The following RALYL variants were observed in gnomAD, a reference collection of about 807,000 sequenced individuals.
The protein encoded by RALYL is RALY RNA binding protein like.
RALYL carries 29 observed loss-of-function variants against 35.1 expected under a neutral mutation model. The ratio of observed to expected loss-of-function variants is 0.83; its 90% CI spans 0.61 to 1.13. The LOEUF is 1.13. Ranked by LOEUF, RALYL falls within the 50% of genes most tolerant of loss-of-function variation. The probability of loss-of-function intolerance (pLI) is 0.00; values close to 1 mark genes in which losing one functional copy is unlikely to be tolerated. For missense variants in RALYL, 359 were observed against 360.4 expected, an observed-to-expected ratio of 1.00 and a Z score of 0.03; for synonymous variants, 120 against 127.6, an observed-to-expected ratio of 0.94 and a Z score of 0.40.
chr8:84,810,194 G>A (rs577767270), intron 4 of RALYL, among the ~76,000 whole-genome samples: 7 of 152,022 alleles, frequency 4.6e-5, no homozygotes, highest in East Asian at 1.9e-4. Flanking sequence ...CATTATTGTC[G>A]TTCAGTTCAA....
At chr8:84,525,953 C>CTTTTTTTTTTTTTTTT (rs35794329) in intron 1 of RALYL, among the ~76,000 whole-genome samples, 8 of 104,842 alleles carry the variant, frequency 7.6e-5, no homozygotes, top group African/African-American at 1.2e-4. Context: ...TTTCTTTTTT[C>CTTTTTTTTTTTTTTTT]TTTTTTTTTT....
chr8:84,522,762 C>A (rs188509383), intron 1 of RALYL, among the ~76,000 whole-genome samples: 1 of 152,170 alleles, frequency 6.6e-6, no homozygotes, highest in East Asian at 1.9e-4. Flanking sequence ...AGTGTATGAT[C>A]CATTCTTTCT....
intron 2 of RALYL, among the ~76,000 whole-genome samples, chr8:84,564,728 C>T (rs1356469106): frequency 1.3e-5 from 2 of 151,594 alleles, no homozygotes; most frequent in Admixed American, 6.6e-5. Flanking sequence ...TAAAAGCTTT[C>T]CTAGGTCCTG....
intron 1 of RALYL, among the ~76,000 whole-genome samples, chr8:84,313,261 G>A (rs149398535): frequency 3.6e-4 from 55 of 152,256 alleles, no homozygotes; most frequent in African/African-American, 1.2e-3. Context: ...TTCCTCCTAG[G>A]CCTCTAGGCC....
At position 84,211,487 on chromosome 8, in the gene RALYL, T is replaced by A. The variant is rs917522407; in HGVS notation, c.-24+27063T>A. On this transcript the variant is annotated intron_variant, in intron 1 of 8. Transcript: ENST00000521268. ...TAGTAATGTAATTAGATCCAGCACT[T>A]AGATTTTGCTTCCTCCCATAATATT... 2.0e-5 allele frequency among the ~76,000 whole-genome samples: 3 copies of A among 152,134 alleles called. No individual in the cohort carries two copies. The East Asian group carries it at 5.8e-4, about 29-fold the overall frequency.
chr8:84,207,873 A>T (rs1395468050), intron 1 of RALYL, among the ~76,000 whole-genome samples: 1 of 151,616 alleles, frequency 6.6e-6, no homozygotes, highest in South Asian at 2.1e-4. Flanking sequence ...ACATGTATAC[A>T]ATTTTTATGT....
chr8:84,841,153 A>G (rs1309618361), intron 4 of RALYL, among the ~76,000 whole-genome samples: 1 of 152,178 alleles, frequency 6.6e-6, no homozygotes, highest in Non-Finnish European at 1.5e-5. Flanking sequence ...AAATGCTCCA[A>G]TTAAAAGACA....
intron 1 of RALYL, among the ~76,000 whole-genome samples, chr8:84,368,372 C>T (rs1352316440): frequency 2.0e-5 from 3 of 152,050 alleles, no homozygotes; most frequent in African/African-American, 7.3e-5. Context: ...AAAATTATAT[C>T]TAAAATGCTT....
chr8:84,575,754 C>T (rs747725398), intron 2 of RALYL, among the ~76,000 whole-genome samples: 2 of 152,064 alleles, frequency 1.3e-5, no homozygotes, highest in Non-Finnish European at 2.9e-5. Flanking sequence ...GTGATTTTGG[C>T]AACCTAAATC....
chr8:84,306,681 C>T (rs1841877508), intron 1 of RALYL, among the ~76,000 whole-genome samples: 1 of 152,152 alleles, frequency 6.6e-6, no homozygotes, highest in South Asian at 2.1e-4. Flanking sequence ...CACTGCTTGA[C>T]AATGAAGATC....
At chr8:84,642,983 G>A (rs558426210) in intron 2 of RALYL, among the ~76,000 whole-genome samples, 75 of 152,086 alleles carry the variant, frequency 4.9e-4, no homozygotes, top group Admixed American at 3.4e-3. Context: ...GGGAGCTAAG[G>A]ATGCTTTTGG....
At chr8:84,871,559 A>G (rs1056913426) in intron 6 of RALYL, among the ~76,000 whole-genome samples, 18 of 152,188 alleles carry the variant, frequency 1.2e-4, no homozygotes, top group Admixed American at 6.5e-4. Context: ...TCAATTTGCA[A>G]TTGTGACAGA....
intron 1 of RALYL, among the ~76,000 whole-genome samples, chr8:84,390,087 A>C (rs1860273410): frequency 6.6e-6 from 1 of 151,880 alleles, no homozygotes; most frequent in African/African-American, 2.4e-5. Context: ...CCTTTTCTGC[A>C]TCAATTGAGA....
intron 1 of RALYL, among the ~76,000 whole-genome samples, chr8:84,349,787 T>C (rs1346726703): frequency 6.7e-6 from 1 of 150,234 alleles, no homozygotes; most frequent in African/African-American, 2.5e-5. Context: ...AGGCTGGCCT[T>C]ATATGAACAT....
At chr8:84,770,315 G>A (rs996280141) in intron 2 of RALYL, among the ~76,000 whole-genome samples, 1 of 151,930 alleles carries the variant, frequency 6.6e-6, no homozygotes, top group Non-Finnish European at 1.5e-5. Flanking sequence ...CTATTCCTGT[G>A]TTGCTTTACT....
In RALYL at chr8:84,368,096, T is replaced by C. The variant is rs74966602; in HGVS notation, c.-23-161203T>C. 9.2e-5 allele frequency among the ~76,000 whole-genome samples: 14 copies of C among 152,302 alleles called. No individual in the cohort carries two copies. The East Asian group carries it at 2.5e-3, about 27-fold the overall frequency. ...ACTCGTGATACACGCAGAAGTTTCA[T>C]TGAGTTGATGTTTCTTGATGTATTT... On this transcript the variant is annotated intron_variant, in intron 1 of 8. Transcript: ENST00000521268.
chr8:84,382,325 A>AT (rs977685310), intron 1 of RALYL, among the ~76,000 whole-genome samples: 9 of 151,286 alleles, frequency 5.9e-5, no homozygotes, highest in African/African-American at 1.5e-4. Flanking sequence ...GTCACTGGTT[A>AT]TTTTTTATGG....
chr8:84,725,753 A>G (rs1351172647), intron 2 of RALYL, among the ~76,000 whole-genome samples: 1 of 151,674 alleles, frequency 6.6e-6, no homozygotes, highest in Non-Finnish European at 1.5e-5. Flanking sequence ...CCCATAATGA[A>G]TAATACAGAT....
At chr8:84,242,679 GTTGT>G (rs1828219040) in intron 1 of RALYL, among the ~76,000 whole-genome samples, 1 of 152,072 alleles carries the variant, frequency 6.6e-6, no homozygotes, top group Non-Finnish European at 1.5e-5. Context: ...TTTTGATGGG[GTTGT>G]TTGTTTTTTA....
Sources: gnomAD v4.1 joint callset for allele counts (sites outside exome capture counted in the v4.1 genomes callset) on GRCh38, gnomAD v4.1.1 for gene constraint, MANE v1.5 for transcripts, NCBI Gene and HGNC (gene_info 2026-07-23, HGNC 2026-07-21) for gene names.